WASHC2A: variants seen among roughly 807,000 people sequenced by gnomAD.
WASHC2A encodes WASH complex subunit 2A.
In WASHC2A, 82 loss-of-function variants were observed where a neutral mutation model predicts 140.3. The ratio of observed to expected loss-of-function variants is 0.58; its 90% confidence interval spans 0.49 to 0.70. WASHC2A has a LOEUF of 0.70. WASHC2A is among the 30% of genes least tolerant of loss of function. WASHC2A has a pLI of 0.00. For missense variants in WASHC2A, 985 were observed against 1,521.8 expected (o/e 0.65, Z 5.87); for synonymous variants, 340 against 560.8 (o/e 0.61, Z 5.56).
intron 5 of WASHC2A, among the ~76,000 whole-genome samples, chr10:50,082,405 C>G (rs1324205466): frequency 4.6e-5 from 7 of 151,088 alleles, no homozygotes; most frequent in African/African-American, 1.7e-4. Context: ...AGGGCAATGC[C>G]TCACAGGGGA....
intron 8 of WASHC2A, among the ~76,000 whole-genome samples, chr10:50,087,555 A>G (rs1449148884): frequency 6.6e-6 from 1 of 152,078 alleles, no homozygotes; most frequent in Non-Finnish European, 1.5e-5. Flanking sequence ...AGAAGTGAAA[A>G]ACACAATTGG....
rs1235988434 is a variant in WASHC2A, at chr10:50,125,432, G to T, written c.2671G>T (p.Ala891Ser). 1.9e-3 allele frequency: 3,082 copies of T among 1,609,318 alleles called. 65 individuals carry two copies. In the African/African-American group the frequency reaches 0.038, roughly 20 times the overall value. Residue 891 changes from alanine to serine, a missense_variant, in exon 25 of 31, where the codon GCC (alanine) becomes TCC (serine). Physicochemically the swap from Ala to Ser is moderately conservative, Grantham distance 99 (BLOSUM62 1). Transcript: ENST00000282633. ...TGAAGATGATGATCTTTTCAGCTCT[G>T]CCAAGTCCCAGCCTTTGGTACCAGC... ...DDEDDDLFSSAKSQPLVQEKK... is the reference protein window; with the variant it reads ...DDEDDDLFSSSKSQPLVQEKK...
chr10:50,100,694 T>G (rs1389604336), intron 17 of WASHC2A, among the ~76,000 whole-genome samples: 1 of 152,234 alleles, frequency 6.6e-6, no homozygotes. Flanking sequence ...TGCTACTTCC[T>G]TTATTCACAT....
rs1839852746 is a variant in WASHC2A at position 50,090,699 on chromosome 10, G to A, written c.733-77G>A. ...TTAAAAAGCTGTTACTTCTTTGAAG[G>A]AGGAGCCTAAAGGCTGACAGTATCT... On this transcript the variant is annotated intron_variant, in intron 8 of 30. Transcript: ENST00000282633. 9.0e-6 allele frequency: 12 copies of A among 1,337,700 alleles called. No individual in the cohort carries two copies. The East Asian group carries it at 2.9e-4, about 32-fold the overall frequency. 82.9% of individuals were successfully genotyped at this position (1,337,700 alleles called of 1,614,324 possible).
At chr10:50,070,713 G>A (rs1837721766) in intron 3 of WASHC2A, among the ~76,000 whole-genome samples, 1 of 141,344 alleles carries the variant, frequency 7.1e-6, no homozygotes, top group African/African-American at 2.7e-5. Context: ...TAACAGCAAA[G>A]GAGTACTTAT....
intron 8 of WASHC2A, among the ~76,000 whole-genome samples, chr10:50,087,713 G>A (rs1361704569): frequency 1.1e-4 from 17 of 152,110 alleles, no homozygotes; most frequent in African/African-American, 4.1e-4. Flanking sequence ...GTCTTAGCAC[G>A]GTTATCTTAA....
At chr10:50,081,874 C>T (rs1162788049) in intron 5 of WASHC2A, among the ~76,000 whole-genome samples, 1 of 152,122 alleles carries the variant, frequency 6.6e-6, no homozygotes, top group Non-Finnish European at 1.5e-5. Flanking sequence ...CTCAGGTGAT[C>T]CGCCTGCCTT....
chr10:50,105,376 C>G (rs1383004121), intron 18 of WASHC2A, among the ~76,000 whole-genome samples: 3 of 136,450 alleles, frequency 2.2e-5, no homozygotes, highest in Non-Finnish European at 3.2e-5. Context: ...AGTAACTTAA[C>G]CTTCCTTAAG....
At chr10:50,128,115 C>G (rs1315497649) in intron 28 of WASHC2A, among the ~76,000 whole-genome samples, 2 of 151,132 alleles carry the variant, frequency 1.3e-5, no homozygotes, top group African/African-American at 4.9e-5. Flanking sequence ...AGATCATGCC[C>G]CTCCTGCTGG....
At chr10:50,080,176 T>G (rs1838767764) in intron 4 of WASHC2A, among the ~76,000 whole-genome samples, 1 of 152,198 alleles carries the variant, frequency 6.6e-6, no homozygotes, top group African/African-American at 2.4e-5. Flanking sequence ...GTTGGTGATA[T>G]GAACAAACCT....
At chr10:50,111,562 GAA>G (rs1842290196) in intron 20 of WASHC2A, among the ~76,000 whole-genome samples, 1 of 152,208 alleles carries the variant, frequency 6.6e-6, no homozygotes, top group Non-Finnish European at 1.5e-5. Context: ...ATCTAAATGT[GAA>G]ATGCTGAGCA....
chr10:50,095,123 G>A, intron 13 of WASHC2A, 25 bp from the exon 14 acceptor site: 2 of 1,554,726 alleles, frequency 1.3e-6, no homozygotes, highest in African/African-American at 1.3e-5. Context: ...TTGTAAAATG[G>A]TTACCCCTTG....
chr10:50,104,662 A>G (rs1841572510), intron 18 of WASHC2A, among the ~76,000 whole-genome samples: 1 of 152,076 alleles, frequency 6.6e-6, no homozygotes, highest in Non-Finnish European at 1.5e-5. Context: ...TGGCTTCTTG[A>G]CACAGTTCTT....
At chr10:50,087,529 A>G (rs1309333275) in intron 8 of WASHC2A, among the ~76,000 whole-genome samples, 1 of 151,988 alleles carries the variant, frequency 6.6e-6, no homozygotes, top group Non-Finnish European at 1.5e-5. Flanking sequence ...TATTTTTCTT[A>G]GAAAAGAAGT....
At chr10:50,071,917 T>C (rs1182968683) in intron 3 of WASHC2A, among the ~76,000 whole-genome samples, 2 of 150,516 alleles carry the variant, frequency 1.3e-5, no homozygotes, top group South Asian at 2.1e-4. Context: ...CTTTTTTTTT[T>C]TTTTCTTCCG....
chr10:50,100,202 G>A (rs879964279), intron 17 of WASHC2A, 138 bp downstream of exon 17: 35,231 of 1,485,448 alleles, frequency 0.024, 627 homozygotes, highest in Non-Finnish European at 0.027. Context: ...ATCTCTAGAG[G>A]CCAGGAGTAG....
At chr10:50,090,515 A>AAATATATATATATATATATATAT (rs1214596899) in intron 8 of WASHC2A, among the ~76,000 whole-genome samples, 6 of 108,766 alleles carry the variant, frequency 5.5e-5, no homozygotes, top group African/African-American at 2.0e-4. Flanking sequence ...AAAAAAAAAA[A>AAATATATATATATATATATATAT]ATATATATAT....
Position 50,110,337 on chromosome 10 carries a change from A to G in WASHC2A, c.2039+67A>G, listed in dbSNP as rs1174694901. ...GGTAACAAGAAAAGGAATCTGATGC[A>G]CAATCTAGTTCATCGGGTGATTGCT... On this transcript the variant is annotated intron_variant, in intron 20 of 30. Coordinates refer to ENST00000282633, the MANE Select transcript of WASHC2A (RefSeq NM_001005751.3). 6.9e-6 allele frequency: 11 copies of G among 1,603,930 alleles called. 1 individual carries two copies. Among genetic ancestry groups the G allele is most frequent in the Non-Finnish European group, 9.4e-6 (11 of 1,172,852 alleles).
intron 8 of WASHC2A, among the ~76,000 whole-genome samples, chr10:50,090,561 A>G (rs1465192276): frequency 1.4e-5 from 2 of 143,364 alleles, no homozygotes; most frequent in African/African-American, 5.0e-5. Flanking sequence ...TTTATATTTT[A>G]TATATATTTT....
Sources: allele counts gnomAD v4.1 joint callset (sites outside exome capture counted in the v4.1 genomes callset), GRCh38; gene constraint gnomAD v4.1.1; transcripts MANE v1.5; gene names NCBI Gene and HGNC (gene_info 2026-07-23, HGNC 2026-07-21).